TRAPPC10: variants seen among roughly 807,000 people sequenced by gnomAD.
The protein encoded by TRAPPC10 is trafficking protein particle complex subunit 10.
Under a neutral mutation model 125.5 loss-of-function variants are expected in TRAPPC10, and 23 were observed. The observed-to-expected ratio is 0.18, with a 90% CI of 0.13 to 0.26. The LOEUF is 0.26. Among genes scored for constraint, TRAPPC10 ranks in the 10% least tolerant of loss-of-function variants. The probability of loss-of-function intolerance (pLI) is 1.00; values close to 1 mark genes in which losing one functional copy is unlikely to be tolerated. For missense variants in TRAPPC10, 1,123 were observed against 1,308.4 expected (o/e 0.86, Z 2.19); for synonymous variants, 509 against 518.0 (o/e 0.98, Z 0.24).
At position 44,083,270 on chromosome 21, in the gene TRAPPC10, C is replaced by T. The variant is rs2037887164; in HGVS notation, c.2206C>T (p.Pro736Ser). The part of the protein sequence containing the change: ...VLRCSHVTLE[P>S]GANQITFRTQ... ...GAGGTGCAGCCACGTGACCCTGGAA[C>T]CAGGGGCCAACCAGATAACATTCAG... Residue 736 changes from proline (P) to serine (S), a missense_variant, in exon 14 of 23, where the codon CCA (proline) becomes TCA (serine). By Grantham distance (74) the Pro-to-Ser change is moderately conservative (BLOSUM62 -1). Coordinates refer to ENST00000291574, the MANE Select transcript of TRAPPC10 (RefSeq NM_003274.5). 2 of 1,613,998 alleles carry T rather than the reference C, an allele frequency of 1.2e-6. No homozygotes were observed. Among genetic ancestry groups the T allele is most frequent in the South Asian group, 1.1e-5 (1 of 91,078 alleles).
intron 1 of TRAPPC10, among the ~76,000 whole-genome samples, chr21:44,013,886 T>C (rs2031490325): frequency 1.3e-5 from 2 of 152,252 alleles, no homozygotes; most frequent in Admixed American, 6.5e-5. Context: ...ACTCTGCACC[T>C]TCAGCCCCAG....
intron 3 of TRAPPC10, among the ~76,000 whole-genome samples, chr21:44,043,395 G>T (rs1388639736): frequency 6.6e-6 from 1 of 151,770 alleles, no homozygotes; most frequent in African/African-American, 2.4e-5. Context: ...TGTATTATTA[G>T]TGGAGACGGG....
intron 15 of TRAPPC10, among the ~76,000 whole-genome samples, chr21:44,085,376 A>T (rs1332292221): frequency 1.3e-5 from 2 of 152,134 alleles, no homozygotes; most frequent in East Asian, 3.8e-4. Context: ...ATATGTATAT[A>T]ATTTCCTGCT....
intron 11 of TRAPPC10, 36 bp downstream of exon 11, chr21:44,077,820 A>T: frequency 6.8e-7 from 1 of 1,480,878 alleles, no homozygotes; most frequent in East Asian, 2.3e-5. Flanking sequence ...AATTCTAAAC[A>T]TACAAATAAC....
rs572086750 is a variant in TRAPPC10, at chr21:44,067,520, G to T, written c.1038+3735G>T. Reference sequence around the variant, plus strand: ...CTGAAGAAGAACTGATGGCTCACTGGACAAAAGGAAAGAGAGGACTGTCAA... The same window carrying T: ...CTGAAGAAGAACTGATGGCTCACTGTACAAAAGGAAAGAGAGGACTGTCAA... On this transcript the variant is annotated intron_variant, in intron 7 of 22. Transcript: ENST00000291574. 5.3e-5 allele frequency among the ~76,000 whole-genome samples: 8 copies of T among 152,294 alleles called. No individual in the cohort carries two copies. The South Asian group carries it at 1.7e-3, about 32-fold the overall frequency.
intron 8 of TRAPPC10, among the ~76,000 whole-genome samples, chr21:44,074,806 C>T (rs555958275): frequency 8.5e-5 from 13 of 152,288 alleles, no homozygotes; most frequent in African/African-American, 2.6e-4. Flanking sequence ...CAGGTGCAGG[C>T]GTAGCCTGGG....
chr21:44,073,677 C>T (rs1352110138), intron 7 of TRAPPC10, among the ~76,000 whole-genome samples: 3 of 152,118 alleles, frequency 2.0e-5, no homozygotes, highest in East Asian at 3.8e-4. Flanking sequence ...TGCCCTGGGA[C>T]GTTTTTCAAA....
intron 7 of TRAPPC10, among the ~76,000 whole-genome samples, chr21:44,070,183 G>A (rs756108425): frequency 6.6e-6 from 1 of 152,134 alleles, no homozygotes; most frequent in Non-Finnish European, 1.5e-5. Context: ...TGTGTGGGTT[G>A]CACTCAAGTG....
chr21:44,076,632 A>G lies in TRAPPC10; in HGVS notation c.1377+4A>G. Reference sequence around the variant, plus strand: ...AGCTTTTGAAAAACACTACTTAGTAAGTATTAACAAGTGTTCAATGTCTGT... The same window carrying G: ...AGCTTTTGAAAAACACTACTTAGTAGGTATTAACAAGTGTTCAATGTCTGT... On this transcript the variant is annotated splice_donor_region_variant and intron_variant, in intron 10 of 22. Transcript: ENST00000291574. The G allele has an allele frequency of 6.2e-7, 1 of 1,603,586 alleles. No homozygotes were observed. The highest frequency in any genetic ancestry group is 8.5e-7 in the Non-Finnish European group (1 of 1,170,502).
rs2035855880 is a variant in TRAPPC10, at chr21:44,059,256, G to T, written c.790+42G>T. 6.9e-7 allele frequency: 1 copy of T among 1,445,294 alleles called. No individual in the cohort carries two copies. Among genetic ancestry groups the T allele is most frequent in the Non-Finnish European group, 9.5e-7 (1 of 1,053,226 alleles). 89.5% of individuals were successfully genotyped at this position (1,445,294 alleles called of 1,614,324 possible). A position where few individuals can be genotyped will look rare whatever the true frequency, so the allele number is the denominator to read the frequency against. On this transcript the variant is annotated intron_variant, in intron 6 of 22. Coordinates refer to ENST00000291574, the MANE Select transcript of TRAPPC10 (RefSeq NM_003274.5). This position sits in a 1 kb window ranked among gnomAD's most constrained non-coding sequence, Gnocchi z 4.4. The stretch of plus-strand genomic sequence containing the variant: ...CAGTAACGCATGCTTTTCTTAGTGT[G>T]GCTTTCTCCAACTTCAGATAGGCTT...
In TRAPPC10 at chr21:44,012,415, T is replaced by C; in HGVS notation, c.-79T>C. On this transcript the variant is annotated 5_prime_UTR_variant, in exon 1 of 23. Coordinates refer to ENST00000291574, the MANE Select transcript of TRAPPC10 (RefSeq NM_003274.5). ...GCCGGGCGGGCGGCGCCGCTCAGGC[T>C]CGGGCTCCGGCTGGGCCCGGCGCGG... is the stretch of plus-strand genomic sequence containing the variant. The C allele has an allele frequency of 1.1e-6, 1 of 935,700 alleles. No homozygotes were observed. The highest frequency in any genetic ancestry group is 1.3e-6 in the Non-Finnish European group (1 of 767,932). 58.0% of individuals were successfully genotyped at this position (935,700 alleles called of 1,614,324 possible). A position where few individuals can be genotyped will look rare whatever the true frequency, so the allele number is the denominator to read the frequency against.
chr21:44,063,187 A>G lies in TRAPPC10; in HGVS notation c.791-351A>G. ...CCCACAGGTAAAGATAAGGAAGCCC[A>G]GCCCCGCTGCAGCCTAAGACTAGAG... is the stretch of plus-strand genomic sequence containing the variant. On this transcript the variant is annotated intron_variant, in intron 6 of 22. Transcript: ENST00000291574. This position sits in a 1 kb window ranked among gnomAD's most constrained non-coding sequence, Gnocchi z 4.4. The G allele has an allele frequency of 2.3e-6, 3 of 1,287,710 alleles. No individual in the cohort carries two copies. The highest frequency in any genetic ancestry group is 2.0e-6 in the Non-Finnish European group (2 of 989,194). The allele number at this position is 1,287,710 out of a possible 1,614,324, so 79.8% of individuals were successfully genotyped here.
In TRAPPC10 at chr21:44,071,452, T is replaced by C. The variant is rs547513648; in HGVS notation, c.1039-2872T>C. ...GTTTCGTTAACATGTCTGGAAGTCT[T>C]AGATGTCTTACTGTGGAAGGTCTCG... On this transcript the variant is annotated intron_variant, in intron 7 of 22. Coordinates refer to ENST00000291574, the MANE Select transcript of TRAPPC10 (RefSeq NM_003274.5). Among the ~76,000 whole-genome samples, 11 of 152,336 alleles carry C rather than the reference T, an allele frequency of 7.2e-5. No homozygotes were observed. In the Middle Eastern group the frequency reaches 0.014, roughly 188 times the overall value.
rs990637963 is a variant in TRAPPC10, at chr21:44,095,625, G to A, written c.3168+1392G>A. Among the ~76,000 whole-genome samples the A allele has an allele frequency of 1.3e-5, 2 of 150,972 alleles. 1 individual carries two copies. The highest frequency in any genetic ancestry group is 3.0e-5 in the Non-Finnish European group (2 of 67,786). ...GTCGCCCAGGCTGGAGTGCAGTGGCGCGATCTCGGCTCACTGCAACCTCCG... is the reference window on the plus strand; with the variant it reads ...GTCGCCCAGGCTGGAGTGCAGTGGCACGATCTCGGCTCACTGCAACCTCCG... On this transcript the variant is annotated intron_variant, in intron 20 of 22. Transcript: ENST00000291574.
At chr21:44,067,128 G>C (rs2145953581) in intron 7 of TRAPPC10, among the ~76,000 whole-genome samples, 1 of 152,292 alleles carries the variant, frequency 6.6e-6, no homozygotes, top group East Asian at 1.9e-4. Flanking sequence ...GACTCCTCCA[G>C]ACCCCAGGGG....
chr21:44,093,955 A>T, intron 19 of TRAPPC10, 108 bp from the exon 20 acceptor site: 1 of 1,192,034 alleles, frequency 8.4e-7, no homozygotes, highest in Non-Finnish European at 1.2e-6. Flanking sequence ...GGGCCTGCCC[A>T]TGGTGTCTGC....
Position 44,082,065 on chromosome 21 carries a change from C to T in TRAPPC10, c.1724-723C>T, listed in dbSNP as rs1256995834. On this transcript the variant is annotated intron_variant, in intron 13 of 22. Transcript: ENST00000291574. This position sits in a 1 kb window ranked among gnomAD's most constrained non-coding sequence, Gnocchi z 4.4. ...GCCAACGTTCCTTGGTATCTCTATA[C>T]GAATAAAATATTCCACAATCGTTTA... Among the ~76,000 whole-genome samples, 5 of 152,292 alleles carry T rather than the reference C, an allele frequency of 3.3e-5. No individual in the cohort carries two copies. The highest frequency in any genetic ancestry group is 5.9e-5 in the Non-Finnish European group (4 of 68,024).
At chr21:44,023,635 A>G (rs892503200) in intron 1 of TRAPPC10, among the ~76,000 whole-genome samples, 19 of 152,168 alleles carry the variant, frequency 1.2e-4, no homozygotes, top group African/African-American at 4.6e-4. Flanking sequence ...GCACTTAGCA[A>G]TTGCCAAGGA....
At chr21:44,090,678 G>A (rs949321458) in intron 18 of TRAPPC10, among the ~76,000 whole-genome samples, 10 of 152,158 alleles carry the variant, frequency 6.6e-5, no homozygotes, top group South Asian at 2.1e-4. Context: ...CCTTAGTGAC[G>A]GTGCTAGCGT....
Sources: allele counts gnomAD v4.1 joint callset (sites outside exome capture counted in the v4.1 genomes callset), GRCh38; gene constraint gnomAD v4.1.1; non-coding constraint Gnocchi (gnomAD v3.1); transcripts MANE v1.5; gene names NCBI Gene and HGNC (gene_info 2026-07-23, HGNC 2026-07-21).